The following RHOBTB3 variants were observed in gnomAD, a reference collection of about 807,000 sequenced individuals.
The protein encoded by RHOBTB3 is rho-related BTB domain-containing protein 3.
A neutral mutation model predicts 67.2 loss-of-function variants in RHOBTB3; 47 were observed. The observed-to-expected ratio is 0.70, with a 90% CI of 0.55 to 0.89. RHOBTB3 has a LOEUF of 0.89. Among genes scored for constraint, RHOBTB3 ranks in the 40% least tolerant of loss-of-function variants. The probability of loss-of-function intolerance (pLI) is 0.00; values close to 1 mark genes in which losing one functional copy is unlikely to be tolerated. For synonymous variants in RHOBTB3, 273 were observed against 274.2 expected, an observed-to-expected ratio of 1.00 and a Z score of 0.04; for missense variants, 631 against 750.0, an observed-to-expected ratio of 0.84 and a Z score of 1.85.
At chr5:95,792,397 A>G (rs916857286) in intron 11 of RHOBTB3, among the ~76,000 whole-genome samples, 22 of 144,056 alleles carry the variant, frequency 1.5e-4, no homozygotes, top group Non-Finnish European at 6.0e-5. Context: ...AGAAAAAAAA[A>G]AAAAAGAAAA....
Position 95,736,971 on chromosome 5 carries a change from A to T in RHOBTB3, c.311A>T (p.Asp104Val). The change falls in exon 3 of 12, where the codon GAC (aspartate) becomes GTC (valine). Residue 104 changes from aspartate to valine, a missense_variant. Asp to Val is a radical substitution (Grantham distance 152, BLOSUM62 -3). Transcript: ENST00000379982. ...DIIVIKYNVN[D>V]KFSFHEVKDN... ...ATTGTGATCAAATACAACGTTAATG[A>T]CAAGTTTTCATTCCATGAAGTAAAG... 2 of 1,610,782 alleles carry T rather than the reference A, an allele frequency of 1.2e-6. No homozygotes were observed. Among genetic ancestry groups the T allele is most frequent in the East Asian group, 4.5e-5 (2 of 44,796 alleles).
intron 2 of RHOBTB3, among the ~76,000 whole-genome samples, chr5:95,732,925 A>C (rs1370433863): frequency 6.6e-6 from 1 of 152,200 alleles, no homozygotes; most frequent in Non-Finnish European, 1.5e-5. Flanking sequence ...GGAGTTACGT[A>C]TGTTTCAGCT....
intron 3 of RHOBTB3, among the ~76,000 whole-genome samples, chr5:95,741,823 C>T (rs912662342): frequency 6.6e-6 from 1 of 152,078 alleles, no homozygotes; most frequent in Non-Finnish European, 1.5e-5. Flanking sequence ...ATCGTTCTTC[C>T]TATACTTATT....
At chr5:95,754,335 A>G (rs1356350303) in intron 5 of RHOBTB3, among the ~76,000 whole-genome samples, 1 of 152,116 alleles carries the variant, frequency 6.6e-6, no homozygotes, top group East Asian at 1.9e-4. Flanking sequence ...CCAAGGACGG[A>G]TCCTGGGCTC....
intron 10 of RHOBTB3, among the ~76,000 whole-genome samples, chr5:95,787,655 G>A (rs1189099471): frequency 1.3e-5 from 2 of 152,126 alleles, no homozygotes. Context: ...ATGTACAATG[G>A]GATATTATTC....
intron 5 of RHOBTB3, among the ~76,000 whole-genome samples, chr5:95,753,695 T>G (rs1245563169): frequency 6.6e-6 from 1 of 152,106 alleles, no homozygotes; most frequent in African/African-American, 2.4e-5. Context: ...GATTAGAAAA[T>G]GGGTGGGAAA....
chr5:95,731,400 C>T lies in RHOBTB3; in HGVS notation c.-283C>T. 3 of 1,177,590 alleles carry T rather than the reference C, an allele frequency of 2.5e-6. No homozygotes were observed. Among genetic ancestry groups the T allele is most frequent in the Non-Finnish European group, 3.1e-6 (3 of 955,768 alleles). 72.9% of individuals were successfully genotyped at this position (1,177,590 alleles called of 1,614,324 possible). A position where few individuals can be genotyped will look rare whatever the true frequency, so the allele number is the denominator to read the frequency against. On this transcript the variant is annotated 5_prime_UTR_variant, in exon 1 of 12. Coordinates refer to ENST00000379982, the MANE Select transcript of RHOBTB3 (RefSeq NM_014899.4). Reference sequence around the variant, plus strand: ...AGAGGGGACTGCGGTCAGCTGCGTCCACTTGGGGCTGTGCGGCGGTCCCGC... The same window carrying T: ...AGAGGGGACTGCGGTCAGCTGCGTCTACTTGGGGCTGTGCGGCGGTCCCGC...
rs1005857331 is a variant in RHOBTB3 at position 95,770,675 on chromosome 5, C to T, written c.1282+2509C>T. The T allele has an allele frequency of 2.5e-5, 12 of 485,262 alleles. No individual in the cohort carries two copies. In the East Asian group the frequency reaches 4.0e-4, roughly 16 times the overall value. 30.1% of individuals were successfully genotyped at this position (485,262 alleles called of 1,614,324 possible). A position where few individuals can be genotyped will look rare whatever the true frequency, so the allele number is the denominator to read the frequency against. On this transcript the variant is annotated intron_variant, in intron 8 of 11. Coordinates refer to ENST00000379982, the MANE Select transcript of RHOBTB3 (RefSeq NM_014899.4). The stretch of plus-strand genomic sequence containing the variant: ...GAAGAGAAGGACCCTGGAATGGGTG[C>T]GGTAGGTGGGATGGGAGGTGGCATT...
intron 3 of RHOBTB3, among the ~76,000 whole-genome samples, chr5:95,743,543 G>A (rs991855015): frequency 2.6e-5 from 4 of 151,948 alleles, no homozygotes; most frequent in African/African-American, 9.7e-5. Flanking sequence ...ATTCTCTCAA[G>A]CACTCCTAGT....
intron 1 of RHOBTB3, among the ~76,000 whole-genome samples, chr5:95,725,290 A>G (rs970727349): frequency 6.6e-6 from 1 of 152,278 alleles, no homozygotes; most frequent in Non-Finnish European, 1.5e-5. Context: ...TAAAAGAATC[A>G]AGGCACAAAT....
At chr5:95,789,067 T>C in intron 11 of RHOBTB3, 2 of 449,352 alleles carry the variant, frequency 4.5e-6, no homozygotes, top group Non-Finnish European at 7.7e-6. Flanking sequence ...CAAGAAGTTT[T>C]CTAATGATTA....
intron 10 of RHOBTB3, among the ~76,000 whole-genome samples, chr5:95,787,915 A>G (rs1746269401): frequency 6.6e-6 from 1 of 152,216 alleles, no homozygotes; most frequent in Non-Finnish European, 1.5e-5. Context: ...AGGCCTGGAA[A>G]TGGATAGTGG....
chr5:95,731,813 C>T lies in RHOBTB3; in HGVS notation c.3-46C>T, dbSNP rs200664404. The T allele has an allele frequency of 3.8e-5, 60 of 1,599,942 alleles. No homozygotes were observed. The African/African-American group carries it at 7.8e-4, about 21-fold the overall frequency. ...TTCCTGTTCCGAGGAGAGACCCGCG[C>T]GCTGACCGTGCTTCCCTTCTCCCCT... On this transcript the variant is annotated intron_variant, in intron 1 of 11. Transcript: ENST00000379982.
chr5:95,776,290 C>T (rs1362332009), intron 8 of RHOBTB3, among the ~76,000 whole-genome samples: 1 of 151,924 alleles, frequency 6.6e-6, no homozygotes, highest in African/African-American at 2.4e-5. Flanking sequence ...GCCTATAATC[C>T]CAGCTACTCG....
Position 95,793,857 on chromosome 5 carries a change from C to CACTTGAA in RHOBTB3, c.*683_*684insACTTGAA, listed in dbSNP as rs1746493201. 2.6e-6 allele frequency: 1 copy of CACTTGAA among 385,030 alleles called. No homozygotes were observed. Among genetic ancestry groups the CACTTGAA allele is most frequent in the Non-Finnish European group, 5.1e-6 (1 of 195,564 alleles). 23.9% of individuals were successfully genotyped at this position (385,030 alleles called of 1,614,324 possible). ...AGCACAGGGCCCACACTTAGAAGGA[C>CACTTGAA]CCCACACTTGGTTCAAGGCTCTGCT... On this transcript the variant is annotated 3_prime_UTR_variant, in exon 12 of 12. Transcript: ENST00000379982.
rs201479791 is a variant in RHOBTB3 at position 95,768,157 on chromosome 5, G to T, written c.1273G>T (p.Glu425Ter). 1.2e-6 allele frequency: 2 copies of T among 1,611,222 alleles called. No individual in the cohort carries two copies. Among genetic ancestry groups the T allele is most frequent in the Admixed American group, 1.7e-5 (1 of 59,426 alleles). The change falls in exon 8 of 12, where the codon GAA (glutamate) becomes TAA (stop). Residue 425 changes from glutamate (E) to a stop codon, truncating the protein, a stop_gained. Coordinates refer to ENST00000379982, the MANE Select transcript of RHOBTB3 (RefSeq NM_014899.4). LOFTEE classifies it high-confidence loss of function. ...NKPMLADVVFEIQGTTVPAHR... is the reference protein window; with the variant it reads ...NKPMLADVVF ...GCCGATGCTTGCCGATGTTGTCTTCGAAATTCAAGGTACGGATCAACTTTT... is the reference window on the plus strand; with the variant it reads ...GCCGATGCTTGCCGATGTTGTCTTCTAAATTCAAGGTACGGATCAACTTTT...
upstream of RHOBTB3, among the ~76,000 whole-genome samples, chr5:95,727,573 TC>T (rs1755095745): frequency 2.0e-5 from 3 of 152,234 alleles, 1 homozygote; most frequent in African/African-American, 7.2e-5. Context: ...TGGAAGCCCT[TC>T]CTGTGTGTTC....
chr5:95,780,681 A>T (rs1192888178), intron 9 of RHOBTB3, among the ~76,000 whole-genome samples: 2 of 152,170 alleles, frequency 1.3e-5, no homozygotes, highest in East Asian at 3.9e-4. Context: ...CACCTACAGC[A>T]TGGGGATCAC....
Position 95,755,504 on chromosome 5 carries a change from A to T in RHOBTB3, c.791A>T (p.Lys264Met). The T allele has an allele frequency of 6.2e-7, 1 of 1,614,148 alleles. No homozygotes were observed. Among genetic ancestry groups the T allele is most frequent in the Non-Finnish European group, 8.5e-7 (1 of 1,180,024 alleles). Residue 264 changes from lysine (K) to methionine (M), a missense_variant, in exon 6 of 12, where the codon AAG becomes ATG. Physicochemically the swap from Lys to Met is moderately conservative, Grantham distance 95. Transcript: ENST00000379982. ...VDVVFYNPNL[K>M]KVVEAHKIVL... ...GTGGTATTTTACAACCCCAATTTAAAGAAAGTTGTAGAGGCCCACAAGATC... is the reference window on the plus strand; with the variant it reads ...GTGGTATTTTACAACCCCAATTTAATGAAAGTTGTAGAGGCCCACAAGATC...
Sources: allele counts gnomAD v4.1 joint callset (sites outside exome capture counted in the v4.1 genomes callset), GRCh38; gene constraint gnomAD v4.1.1; transcripts MANE v1.5; gene names NCBI Gene and HGNC (gene_info 2026-07-23, HGNC 2026-07-21).